Variants in SPHKAP observed in about 807,000 individuals in gnomAD.
SPHKAP encodes the protein SPHK1 interactor, AKAP domain containing.
Under a neutral mutation model 137.5 loss-of-function variants are expected in SPHKAP, and 67 were observed. The ratio of observed to expected loss-of-function variants is 0.49; its 90% CI spans 0.40 to 0.60. The LOEUF (loss-of-function observed/expected upper bound fraction) is 0.60. SPHKAP is among the 20% of genes least tolerant of loss of function. The pLI, the probability that SPHKAP is intolerant of heterozygous loss-of-function variation, is 0.00. For synonymous variants in SPHKAP, 813 were observed against 785.3 expected (o/e 1.04, Z -0.59); for missense variants, 2,097 against 2,069.3 (o/e 1.01, Z -0.26).
chr2:228,095,163 T>C (rs1479288971), intron 3 of SPHKAP, among the ~76,000 whole-genome samples: 1 of 152,198 alleles, frequency 6.6e-6, no homozygotes. Flanking sequence ...GAACATATTT[T>C]TGGACATCTA....
At chr2:227,999,761 T>C (rs943198046) in intron 7 of SPHKAP, among the ~76,000 whole-genome samples, 2 of 152,206 alleles carry the variant, frequency 1.3e-5, no homozygotes, top group African/African-American at 2.4e-5. Flanking sequence ...TTGAGAGAAA[T>C]TGAAATTTAC....
At chr2:228,049,948 A>G (rs899046066) in intron 3 of SPHKAP, among the ~76,000 whole-genome samples, 1 of 152,178 alleles carries the variant, frequency 6.6e-6, no homozygotes, top group Non-Finnish European at 1.5e-5. Flanking sequence ...ACATCCAACA[A>G]AGGTCTGATA....
chr2:228,027,518 T>C lies in SPHKAP; in HGVS notation c.272A>G (p.Asn91Ser), dbSNP rs754455118. 1.2e-6 allele frequency: 2 copies of C among 1,613,872 alleles called. No individual in the cohort carries two copies. Among genetic ancestry groups the C allele is most frequent in the Admixed American group, 1.7e-5 (1 of 60,000 alleles). Reference protein sequence around the residue: ...ASVCFVNLDVNKDECSTEHLQ... With the variant: ...ASVCFVNLDVSKDECSTEHLQ... The stretch of plus-strand genomic sequence containing the variant: ...GTGCTCTGTGCTGCATTCATCCTTG[T>C]TCACATCAAGATTCACAAAGCAGAC... Residue 91 changes from asparagine to serine, a missense_variant, in exon 4 of 12, where the codon AAC becomes AGC. Asn to Ser is a conservative substitution (Grantham distance 46, BLOSUM62 1). Transcript: ENST00000392056.
At position 228,017,017 on chromosome 2, in the gene SPHKAP, G is replaced by A. The variant is rs1330238757; in HGVS notation, c.3837C>T (p.Ser1279=). The change falls in exon 7 of 12, where the codon AGC becomes AGT. Residue 1279 remains serine (S), a synonymous_variant. Transcript: ENST00000392056. ...ATTTGCAGAGACCGGATGAGGACGC[G>A]CTACTGACCGGCTGCACGCTTAGGA... ...QDFLSVQPVS[S]ASSSGLCKSD... 4.3e-6 allele frequency: 7 copies of A among 1,614,130 alleles called. No homozygotes were observed. The highest frequency in any genetic ancestry group is 2.2e-5 in the East Asian group (1 of 44,870).
At chr2:228,155,074 T>A (rs1700069406) in intron 1 of SPHKAP, among the ~76,000 whole-genome samples, 1 of 152,194 alleles carries the variant, frequency 6.6e-6, no homozygotes, top group South Asian at 2.1e-4. Context: ...GTGGTTTCAC[T>A]GAAAGTTTTC....
intron 3 of SPHKAP, among the ~76,000 whole-genome samples, chr2:228,089,697 A>G (rs566343874): frequency 8.9e-4 from 136 of 152,318 alleles, no homozygotes; most frequent in Non-Finnish European, 1.7e-3. Flanking sequence ...GCTCAGCCTT[A>G]GAATACTGCT....
chr2:228,053,320 T>C (rs987851693), intron 3 of SPHKAP, among the ~76,000 whole-genome samples: 3 of 152,218 alleles, frequency 2.0e-5, no homozygotes, highest in African/African-American at 7.2e-5. Flanking sequence ...TAGGCCCTAT[T>C]TCCAAATACA....
intron 3 of SPHKAP, among the ~76,000 whole-genome samples, chr2:228,074,426 G>A (rs1008611295): frequency 6.6e-6 from 1 of 152,202 alleles, no homozygotes; most frequent in South Asian, 2.1e-4. Flanking sequence ...GGAAGGTGAA[G>A]GGGAAGCAAG....
intron 7 of SPHKAP, among the ~76,000 whole-genome samples, chr2:228,000,533 G>T (rs539030042): frequency 6.6e-6 from 1 of 151,930 alleles, no homozygotes; most frequent in East Asian, 1.9e-4. Flanking sequence ...CAGGAGAATC[G>T]CTTGAACCCA....
At chr2:228,036,786 A>G (rs1218471335) in intron 3 of SPHKAP, among the ~76,000 whole-genome samples, 1 of 152,100 alleles carries the variant, frequency 6.6e-6, no homozygotes. Flanking sequence ...CGCAAGGACA[A>G]AAAACCAGAC....
In SPHKAP at chr2:227,981,531, G is replaced by T; in HGVS notation, c.*186C>A. 1.8e-6 allele frequency: 1 copy of T among 560,338 alleles called. No individual in the cohort carries two copies. The highest frequency in any genetic ancestry group is 2.8e-6 in the Non-Finnish European group (1 of 351,058). 34.7% of individuals were successfully genotyped at this position (560,338 alleles called of 1,614,324 possible). A position where few individuals can be genotyped will look rare whatever the true frequency, so the allele number is the denominator to read the frequency against. On this transcript the variant is annotated 3_prime_UTR_variant, in exon 12 of 12. Coordinates refer to ENST00000392056, the MANE Select transcript of SPHKAP (RefSeq NM_001142644.2). ...ACTCACCCACAAGTTGTATGAATTT[G>T]GACAGACCTATATTTTGCTTTTCCT...
At chr2:228,036,455 C>T (rs1313067999) in intron 3 of SPHKAP, among the ~76,000 whole-genome samples, 2 of 152,174 alleles carry the variant, frequency 1.3e-5, no homozygotes, top group Non-Finnish European at 2.9e-5. Flanking sequence ...CTAGTTCAAC[C>T]ATTGTGGAAG....
intron 1 of SPHKAP, among the ~76,000 whole-genome samples, chr2:228,173,376 A>C (rs1283527549): frequency 2.0e-5 from 3 of 152,214 alleles, no homozygotes; most frequent in Non-Finnish European, 2.9e-5. Context: ...ATTGTATGAC[A>C]AAGCAAAATC....
intron 3 of SPHKAP, among the ~76,000 whole-genome samples, chr2:228,079,658 C>A (rs1333246185): frequency 6.6e-6 from 1 of 152,218 alleles, no homozygotes; most frequent in Admixed American, 6.5e-5. Flanking sequence ...GACTCAGGCT[C>A]AAGGCCCACC....
At chr2:228,164,228 G>A (rs1242385834) in intron 1 of SPHKAP, among the ~76,000 whole-genome samples, 1 of 152,118 alleles carries the variant, frequency 6.6e-6, no homozygotes, top group Non-Finnish European at 1.5e-5. Flanking sequence ...GTTTGCCAGG[G>A]CCTCTCAGGC....
chr2:228,139,725 GA>G, intron 1 of SPHKAP, among the ~76,000 whole-genome samples: 1 of 151,912 alleles, frequency 6.6e-6, no homozygotes, highest in South Asian at 2.1e-4. Context: ...GGCTATGGGG[GA>G]ATTTTTTCAA....
intron 3 of SPHKAP, among the ~76,000 whole-genome samples, chr2:228,040,219 C>G (rs563877891): frequency 6.6e-6 from 1 of 152,244 alleles, no homozygotes; most frequent in South Asian, 2.1e-4. Flanking sequence ...AACAATGCAG[C>G]CATCTGGCCA....
At chr2:228,004,471 C>T (rs182135297) in intron 7 of SPHKAP, among the ~76,000 whole-genome samples, 39 of 152,174 alleles carry the variant, frequency 2.6e-4, no homozygotes, top group East Asian at 1.7e-3. Context: ...GTCTTGCTAG[C>T]GGTCTATCAA....
In SPHKAP at chr2:228,022,376, G is replaced by C. The variant is rs182214234; in HGVS notation, c.442-410C>G. ...TTTTAAGGGCTAGAGTGATGGGGGA[G>C]ATCATAGGTCATCTGTGTTTGATAA... is the stretch of plus-strand genomic sequence containing the variant. On this transcript the variant is annotated intron_variant, in intron 5 of 11. Transcript: ENST00000392056. 13 of 157,492 alleles carry C rather than the reference G, an allele frequency of 8.3e-5. No homozygotes were observed. In the Admixed American group the frequency reaches 8.5e-4, roughly 10 times the overall value. 9.8% of individuals were successfully genotyped at this position (157,492 alleles called of 1,614,324 possible).
Sources: gnomAD v4.1 joint callset for allele counts (sites outside exome capture counted in the v4.1 genomes callset) on GRCh38, gnomAD v4.1.1 for gene constraint, MANE v1.5 for transcripts, NCBI Gene and HGNC (gene_info 2026-07-23, HGNC 2026-07-21) for gene names.